The following SAP30BP variants were observed in gnomAD, a reference collection of about 807,000 sequenced individuals.
The protein encoded by SAP30BP is SAP30-binding protein.
In SAP30BP, 31 loss-of-function variants were observed where a neutral mutation model predicts 46.3. That is an observed-to-expected ratio of 0.67 (90% confidence interval 0.50 to 0.90). SAP30BP has a LOEUF of 0.90. Ranked by LOEUF, SAP30BP falls within the 40% of genes least tolerant of loss-of-function variation. SAP30BP has a pLI of 0.00. For synonymous variants in SAP30BP, 169 were observed against 144.2 expected (o/e 1.17, Z -1.23); for missense variants, 312 against 391.0 (o/e 0.80, Z 1.70).
chr17:75,704,731 G>T, intron 8 of SAP30BP, 25 bp from the exon 9 acceptor site: 1 of 1,606,230 alleles, frequency 6.2e-7, no homozygotes. Context: ...GGCCACCTTT[G>T]TAACAGCTTC....
At chr17:75,702,410 CA>C (rs1394616466) in intron 5 of SAP30BP, 69 bp from the exon 6 acceptor site, 1 of 639,686 alleles carries the variant, frequency 1.6e-6, no homozygotes, top group East Asian at 2.7e-5. Context: ...AGCTGGTGAC[CA>C]GGGGCTGGGA....
chr17:75,688,494 C>T (rs1359941172), intron 3 of SAP30BP, among the ~76,000 whole-genome samples: 5 of 152,064 alleles, frequency 3.3e-5, no homozygotes, highest in East Asian at 1.9e-4. Context: ...TTTCTCTGTG[C>T]CCGCTACTCC....
At chr17:75,673,147 C>G (rs1474039184) in intron 3 of SAP30BP, among the ~76,000 whole-genome samples, 1 of 152,116 alleles carries the variant, frequency 6.6e-6, no homozygotes, top group East Asian at 1.9e-4. Context: ...CCACTAAAAT[C>G]TTGAGACGTT....
chr17:75,674,241 A>G lies in SAP30BP; in HGVS notation c.264+2378A>G, dbSNP rs183573831. On this transcript the variant is annotated intron_variant, in intron 3 of 10. Coordinates refer to ENST00000584667, the MANE Select transcript of SAP30BP (RefSeq NM_013260.8). Reference sequence around the variant, plus strand: ...CTCAGACTCTCTTCCACATAGCAACATGTACCTCAAATCCAGAACTTTCTG... The same window carrying G: ...CTCAGACTCTCTTCCACATAGCAACGTGTACCTCAAATCCAGAACTTTCTG... 6.6e-5 allele frequency among the ~76,000 whole-genome samples: 10 copies of G among 152,146 alleles called. No individual in the cohort carries two copies. In the East Asian group the frequency reaches 1.4e-3, roughly 21 times the overall value.
At chr17:75,691,863 ACACT>A (rs2060247758) in intron 3 of SAP30BP, 1 of 202,068 alleles carries the variant, frequency 4.9e-6, no homozygotes, top group Non-Finnish European at 1.0e-5. Context: ...ACACTCTTGA[ACACT>A]GGTTTCCTGA....
At chr17:75,690,865 CACAG>C (rs1235748969) in intron 3 of SAP30BP, 2 of 417,612 alleles carry the variant, frequency 4.8e-6, no homozygotes, top group Non-Finnish European at 9.6e-6. Context: ...TCTGAACCAA[CACAG>C]ACAGCACAGT....
intron 3 of SAP30BP, among the ~76,000 whole-genome samples, chr17:75,675,843 G>A (rs2059981930): frequency 6.6e-6 from 1 of 152,184 alleles, no homozygotes; most frequent in South Asian, 2.1e-4. Flanking sequence ...CTTGAGCCTG[G>A]GAGGTAGAGG....
rs529642930 is a variant in SAP30BP, at chr17:75,690,638, C to T, written c.265-2802C>T. 80 of 455,672 alleles carry T rather than the reference C, an allele frequency of 1.8e-4. 1 individual carries two copies. The highest frequency in any genetic ancestry group is 1.1e-3 in the South Asian group (74 of 64,476). The allele number at this position is 455,672 out of a possible 1,614,324, so 28.2% of individuals were successfully genotyped here. The stretch of plus-strand genomic sequence containing the variant: ...CTGACCAAGCGAGCACTTTAGGATC[C>T]AGAGAACTTAGGTTGTTGTCTTTCT... On this transcript the variant is annotated intron_variant, in intron 3 of 10. Coordinates refer to ENST00000584667, the MANE Select transcript of SAP30BP (RefSeq NM_013260.8).
At chr17:75,682,832 A>G (rs955415149) in intron 3 of SAP30BP, among the ~76,000 whole-genome samples, 54 of 151,410 alleles carry the variant, frequency 3.6e-4, no homozygotes, top group Non-Finnish European at 6.6e-4. Flanking sequence ...ACATGGTGGC[A>G]CGTGCCTGTA....
intron 3 of SAP30BP, among the ~76,000 whole-genome samples, chr17:75,680,423 G>A (rs575401058): frequency 1.2e-4 from 18 of 152,316 alleles, no homozygotes; most frequent in Non-Finnish European, 2.1e-4. Context: ...CTTGTGGTCC[G>A]AAGACCTGGG....
intron 3 of SAP30BP, among the ~76,000 whole-genome samples, chr17:75,681,990 C>T (rs2060082939): frequency 6.6e-6 from 1 of 151,798 alleles, no homozygotes; most frequent in Non-Finnish European, 1.5e-5. Flanking sequence ...AATTACTCTG[C>T]AGAACGAAAG....
intron 4 of SAP30BP, among the ~76,000 whole-genome samples, chr17:75,695,672 G>C (rs2060306862): frequency 6.6e-6 from 1 of 152,122 alleles, no homozygotes. Context: ...CTCTACCTAA[G>C]CTTTTGTCCA....
chr17:75,682,979 AG>A (rs1229292411), intron 3 of SAP30BP, among the ~76,000 whole-genome samples: 7 of 151,184 alleles, frequency 4.6e-5, no homozygotes, highest in Admixed American at 3.9e-4. Flanking sequence ...AAAAAAAAAA[AG>A]AATTGTATGG....
rs938391537 is a variant in SAP30BP at position 75,677,776 on chromosome 17, T to A, written c.264+5913T>A. Among the ~76,000 whole-genome samples the A allele has an allele frequency of 7.7e-5, 11 of 142,080 alleles. 1 individual carries two copies. The highest frequency in any genetic ancestry group is 2.0e-4 in the East Asian group (1 of 5,066). The allele number at this position is 142,080 out of a possible 152,430, so 93.2% of individuals were successfully genotyped here. ...AGCCCTTTTTTTTTTTTTTTTTTTT[T>A]AAATCAAACGGCTACAGTTTGGTGC... On this transcript the variant is annotated intron_variant, in intron 3 of 10. Coordinates refer to ENST00000584667, the MANE Select transcript of SAP30BP (RefSeq NM_013260.8).
Position 75,706,617 on chromosome 17 carries a change from A to C in SAP30BP, c.*96A>C, listed in dbSNP as rs369889672. The C allele has an allele frequency of 8.5e-7, 1 of 1,174,726 alleles. No individual in the cohort carries two copies. The highest frequency in any genetic ancestry group is 2.4e-5 in the East Asian group (1 of 42,192). The allele number at this position is 1,174,726 out of a possible 1,614,324, so 72.8% of individuals were successfully genotyped here. A position where few individuals can be genotyped will look rare whatever the true frequency, so the allele number is the denominator to read the frequency against. ...TTTGTATATTTCAGGACTGGGACCT[A>C]CTCCCCAGATGCCACCTGAGAGGAG... is the stretch of plus-strand genomic sequence containing the variant. On this transcript the variant is annotated 3_prime_UTR_variant, in exon 11 of 11. Coordinates refer to ENST00000584667, the MANE Select transcript of SAP30BP (RefSeq NM_013260.8). This position sits in a 1 kb window ranked among gnomAD's most constrained non-coding sequence, Gnocchi z 4.6.
rs1413324781 is a variant in SAP30BP at position 75,706,048 on chromosome 17, A to G, written c.701A>G (p.Asn234Ser). ...GGCACCAAAAAAGGCACCACGACCA[A>G]CGCCACGTCCACCACCACTACCACT... ...VTGTKKGTTT[N>S]ATSTTTTTAS... Residue 234 changes from asparagine (N) to serine (S), a missense_variant, in exon 10 of 11, where the codon AAC becomes AGC. By Grantham distance (46) the Asn-to-Ser change is conservative. This residue lies in a region of SAP30BP where 296 missense variants were observed against 346.6 expected (regional missense o/e 0.85). Transcript: ENST00000584667. The surrounding 1 kb of genome is among the most constrained non-coding windows in gnomAD (Gnocchi z 4.6). 6.2e-7 allele frequency: 1 copy of G among 1,613,726 alleles called. No individual in the cohort carries two copies. The highest frequency in any genetic ancestry group is 1.7e-5 in the Admixed American group (1 of 59,978).
rs747670436 is a variant in SAP30BP, at chr17:75,688,813, A to G, written c.265-4627A>G. ...TTTTGTATTCTCTGCAGGAGGAACCATATTCCAGGTTCTGTAATTCTTGAG... is the reference window on the plus strand; with the variant it reads ...TTTTGTATTCTCTGCAGGAGGAACCGTATTCCAGGTTCTGTAATTCTTGAG... On this transcript the variant is annotated intron_variant, in intron 3 of 10. Coordinates refer to ENST00000584667, the MANE Select transcript of SAP30BP (RefSeq NM_013260.8). Among the ~76,000 whole-genome samples, 10 of 152,160 alleles carry G rather than the reference A, an allele frequency of 6.6e-5. No individual in the cohort carries two copies. In the South Asian group the frequency reaches 1.9e-3, roughly 28 times the overall value.
At chr17:75,684,511 G>A (rs1293756638) in intron 3 of SAP30BP, 1 of 152,244 alleles carries the variant, frequency 6.6e-6, no homozygotes, top group African/African-American at 2.4e-5. Context: ...TGGTTTGTGA[G>A]CCATCCACCA....
chr17:75,704,977 G>T, intron 9 of SAP30BP, 163 bp downstream of exon 9: 4 of 636,954 alleles, frequency 6.3e-6, no homozygotes, highest in Non-Finnish European at 1.1e-5. Flanking sequence ...GAGCAGACCT[G>T]CTGGGTTCAC....
Sources: gnomAD v4.1 joint callset for allele counts (sites outside exome capture counted in the v4.1 genomes callset) on GRCh38, gnomAD v4.1.1 for gene constraint, gnomAD v4.1.1 regional missense constraint, Gnocchi (gnomAD v3.1) non-coding constraint, MANE v1.5 for transcripts, NCBI Gene and HGNC (gene_info 2026-07-23, HGNC 2026-07-21) for gene names.